KCNN2: variants seen among roughly 807,000 people sequenced by gnomAD.
KCNN2 encodes potassium calcium-activated channel subfamily N member 2.
KCNN2 carries 24 observed loss-of-function variants against 55.5 expected under a neutral mutation model. The ratio of observed to expected loss-of-function variants is 0.43; its 90% CI spans 0.31 to 0.61. The LOEUF is 0.61. KCNN2 is among the 20% of genes least tolerant of loss of function. The pLI is 0.08. For missense variants in KCNN2, 754 were observed against 853.6 expected (o/e 0.88, Z 1.45); for synonymous variants, 431 against 336.1 (o/e 1.28, Z -3.09).
chr5:114,399,021 G>A (rs1306532044), intron 2 of KCNN2, among the ~76,000 whole-genome samples: 2 of 152,042 alleles, frequency 1.3e-5, no homozygotes, highest in African/African-American at 2.4e-5. Flanking sequence ...CTTCCTATTC[G>A]GATTCATTTT....
chr5:114,433,879 G>A (rs1265086111), intron 3 of KCNN2: 1 of 156,550 alleles, frequency 6.4e-6, no homozygotes, highest in Non-Finnish European at 1.4e-5. Context: ...CAGGGTCCGG[G>A]GCTTCGTTCT....
chr5:114,071,970 T>C (rs1024148925), intron 1 of KCNN2, among the ~76,000 whole-genome samples: 5 of 152,090 alleles, frequency 3.3e-5, no homozygotes, highest in African/African-American at 1.2e-4. Context: ...GGGAGTGGAT[T>C]AGTTATTGTG....
intron 2 of KCNN2, among the ~76,000 whole-genome samples, chr5:114,354,387 A>G (rs1388686828): frequency 2.6e-5 from 4 of 152,062 alleles, no homozygotes; most frequent in Non-Finnish European, 4.4e-5. Flanking sequence ...GATATACTAG[A>G]AAATTGTTTG....
At chr5:114,078,762 G>A (rs1250569894) in intron 1 of KCNN2, among the ~76,000 whole-genome samples, 1 of 152,170 alleles carries the variant, frequency 6.6e-6, no homozygotes, top group East Asian at 1.9e-4. Context: ...GAAGGAGGCA[G>A]AAAATGAGGC....
chr5:114,189,138 GTGTGTGTGTGTGTGTGTA>G (rs1580602892), intron 1 of KCNN2, among the ~76,000 whole-genome samples: 1 of 150,932 alleles, frequency 6.6e-6, no homozygotes, highest in African/African-American at 2.4e-5. Context: ...CCAATAGTGT[GTGTGTGTGTGTGTGTGTA>G]TGTGTGTGTG....
chr5:114,325,916 A>C (rs774941136), intron 2 of KCNN2, among the ~76,000 whole-genome samples: 2 of 152,172 alleles, frequency 1.3e-5, no homozygotes, highest in Non-Finnish European at 2.9e-5. Context: ...TATATACATC[A>C]AATGTTGTCT....
intron 2 of KCNN2, among the ~76,000 whole-genome samples, chr5:114,275,573 T>C (rs536010344): frequency 3.5e-4 from 54 of 152,324 alleles, no homozygotes; most frequent in African/African-American, 1.2e-3. Flanking sequence ...GGGGTGTATG[T>C]GTCCAGGAAT....
At chr5:114,479,175 T>A (rs1199098250) in intron 5 of KCNN2, among the ~76,000 whole-genome samples, 1 of 147,102 alleles carries the variant, frequency 6.8e-6, no homozygotes, top group African/African-American at 2.5e-5. Context: ...GACACACACA[T>A]AGGCTCAAAA....
At chr5:114,293,113 G>A (rs1213816287) in intron 2 of KCNN2, among the ~76,000 whole-genome samples, 1 of 152,122 alleles carries the variant, frequency 6.6e-6, no homozygotes, top group South Asian at 2.1e-4. Context: ...GGGTTTTCTA[G>A]ATATACAATC....
chr5:114,435,552 G>T (rs1248556138), intron 3 of KCNN2, among the ~76,000 whole-genome samples: 1 of 151,814 alleles, frequency 6.6e-6, no homozygotes, highest in Non-Finnish European at 1.5e-5. Context: ...TTTGAAAGCA[G>T]GAGAAAATCC....
At chr5:114,360,013 T>C (rs1052783457), upstream of KCNN2, among the ~76,000 whole-genome samples, 2 of 152,216 alleles carry the variant, frequency 1.3e-5, no homozygotes, top group South Asian at 4.1e-4. Context: ...TTTATTGAAT[T>C]GCTATTTTGA....
intron 1 of KCNN2, among the ~76,000 whole-genome samples, chr5:114,145,714 A>G (rs950339077): frequency 6.6e-6 from 1 of 152,152 alleles, no homozygotes; most frequent in Non-Finnish European, 1.5e-5. Context: ...GCGTCCATCC[A>G]TATCATGGCT....
intron 1 of KCNN2, among the ~76,000 whole-genome samples, chr5:114,100,288 G>T (rs1751346992): frequency 6.6e-6 from 1 of 152,114 alleles, no homozygotes; most frequent in Admixed American, 6.6e-5. Flanking sequence ...AGTCCAGGTA[G>T]ATTTTATAGA....
At chr5:114,341,520 A>G (rs1027286935) in intron 2 of KCNN2, among the ~76,000 whole-genome samples, 1 of 152,146 alleles carries the variant, frequency 6.6e-6, no homozygotes, top group Non-Finnish European at 1.5e-5. Flanking sequence ...CCAGATTATC[A>G]CTAACTCCTG....
chr5:114,293,019 T>G (rs1253479617), intron 2 of KCNN2, among the ~76,000 whole-genome samples: 1 of 152,160 alleles, frequency 6.6e-6, no homozygotes, highest in Non-Finnish European at 1.5e-5. Context: ...TAAGAATGCT[T>G]GTAATTTTTG....
At chr5:114,399,529 C>T (rs1403577430) in intron 2 of KCNN2, among the ~76,000 whole-genome samples, 3 of 151,992 alleles carry the variant, frequency 2.0e-5, no homozygotes, top group African/African-American at 7.2e-5. Context: ...TTTGCATCAA[C>T]GTTCATCAAG....
At chr5:114,062,218 T>G (rs1245850596) in intron 1 of KCNN2, among the ~76,000 whole-genome samples, 1 of 152,156 alleles carries the variant, frequency 6.6e-6, no homozygotes, top group Non-Finnish European at 1.5e-5. Flanking sequence ...CTAATCTACT[T>G]CTGTGTTTTT....
intron 2 of KCNN2, among the ~76,000 whole-genome samples, chr5:114,273,039 C>G (rs1024174955): frequency 1.3e-5 from 2 of 152,054 alleles, no homozygotes; most frequent in African/African-American, 4.8e-5. Flanking sequence ...CCCAACACCC[C>G]CCACAGGCCC....
At chr5:114,385,479 C>T (rs1046149134) in intron 2 of KCNN2, among the ~76,000 whole-genome samples, 4 of 151,218 alleles carry the variant, frequency 2.6e-5, no homozygotes, top group African/African-American at 4.9e-5. Context: ...TCTCCCATTC[C>T]TTCAGCCTCA....
Sources: allele counts gnomAD v4.1 joint callset (sites outside exome capture counted in the v4.1 genomes callset), GRCh38; gene constraint gnomAD v4.1.1; transcripts MANE v1.5; gene names NCBI Gene and HGNC (gene_info 2026-07-23, HGNC 2026-07-21).